MYT1L: variants seen among roughly 807,000 people sequenced by gnomAD.
The protein encoded by MYT1L is myelin transcription factor 1-like protein.
A neutral mutation model predicts 126.7 loss-of-function variants in MYT1L; 12 were observed. That is an observed-to-expected ratio of 0.09 (90% CI 0.06 to 0.15). The LOEUF is 0.15. MYT1L is among the 10% of genes least tolerant of loss of function. The probability of loss-of-function intolerance (pLI) is 1.00; values close to 1 mark genes in which losing one functional copy is unlikely to be tolerated. For missense variants in MYT1L, 979 were observed against 1,585.2 expected (o/e 0.62, Z 6.49); for synonymous variants, 541 against 604.2 (o/e 0.90, Z 1.53).
intron 8 of MYT1L, among the ~76,000 whole-genome samples, chr2:1,975,172 A>G (rs563956331): frequency 1.6e-4 from 23 of 146,298 alleles, no homozygotes; most frequent in African/African-American, 5.4e-4. Flanking sequence ...CAATCACACT[A>G]AAAAAAAAAT....
intron 3 of MYT1L, among the ~76,000 whole-genome samples, chr2:2,165,971 A>AAAAATAAAATCTTTTATT (rs1422565174): frequency 2.0e-5 from 3 of 151,504 alleles, no homozygotes; most frequent in Non-Finnish European, 3.0e-5. Context: ...TACTTTGTAA[A>AAAAATAAAATCTTTTATT]GTTTTAAAGT....
chr2:1,917,372 T>C lies in MYT1L; in HGVS notation c.1484-33A>G. ...CGACAACAGGTGCCAAGAGAATAAA[T>C]GTTTACCAATCAAAGACAAATGTGA... On this transcript the variant is annotated intron_variant, in intron 10 of 24. Coordinates refer to ENST00000647738, the MANE Select transcript of MYT1L (RefSeq NM_001303052.2). This position sits in a 1 kb window ranked among gnomAD's most constrained non-coding sequence, Gnocchi z 5.9. 1 of 1,566,748 alleles carries C rather than the reference T, an allele frequency of 6.4e-7. No homozygotes were observed. The highest frequency in any genetic ancestry group is 1.2e-5 in the South Asian group (1 of 86,768).
chr2:2,208,864 C>G (rs1006553331), intron 2 of MYT1L, among the ~76,000 whole-genome samples: 7 of 152,164 alleles, frequency 4.6e-5, no homozygotes, highest in African/African-American at 1.7e-4. Context: ...ACATTGGTTA[C>G]TATAACTAGA....
chr2:1,974,413 T>C (rs1346693671), intron 8 of MYT1L: 5 of 152,276 alleles, frequency 3.3e-5, no homozygotes, highest in Non-Finnish European at 7.3e-5. Context: ...GCATTACTTC[T>C]AGCCCTGCTT....
At chr2:1,865,436 C>T (rs1162692286) in intron 18 of MYT1L, among the ~76,000 whole-genome samples, 1 of 152,108 alleles carries the variant, frequency 6.6e-6, no homozygotes, top group Non-Finnish European at 1.5e-5. Flanking sequence ...CTTGGTGTGG[C>T]GTGTGTTCAG....
chr2:2,267,390 C>T (rs2149321233), intron 2 of MYT1L, among the ~76,000 whole-genome samples: 1 of 152,222 alleles, frequency 6.6e-6, no homozygotes, highest in East Asian at 1.9e-4. Context: ...AAAAGCGGAG[C>T]AGAGTGTAAA....
At chr2:1,875,954 T>C (rs1411226193) in intron 18 of MYT1L, among the ~76,000 whole-genome samples, 2 of 152,206 alleles carry the variant, frequency 1.3e-5, no homozygotes, top group Non-Finnish European at 2.9e-5. Flanking sequence ...AAACGCATTA[T>C]TTAATCTTAT....
chr2:2,279,565 G>GAAGGAAGA (rs33920276), intron 2 of MYT1L, among the ~76,000 whole-genome samples: 12,097 of 71,596 alleles, frequency 0.17, 899 homozygotes, highest in East Asian at 0.44. Flanking sequence ...AGGAATGAAT[G>GAAGGAAGA]AATGAAGGAA....
chr2:2,322,034 T>A (rs1248639920), intron 1 of MYT1L, among the ~76,000 whole-genome samples: 1 of 152,152 alleles, frequency 6.6e-6, no homozygotes, highest in Admixed American at 6.5e-5. Context: ...AATACACATA[T>A]ACACGCACTC....
Position 2,306,432 on chromosome 2 carries a change from T to G in MYT1L, c.-520-21929A>C, listed in dbSNP as rs2149565390. ...ATCCCAAGGTTTTCAAATAGGAGTCTGGACGTCTGGCTCCTGGAATCTTTA... is the reference window on the plus strand; with the variant it reads ...ATCCCAAGGTTTTCAAATAGGAGTCGGGACGTCTGGCTCCTGGAATCTTTA... On this transcript the variant is annotated intron_variant, in intron 1 of 24. Transcript: ENST00000647738. Among the ~76,000 whole-genome samples, 2 of 152,238 alleles carry G rather than the reference T, an allele frequency of 1.3e-5. 1 individual carries two copies. Among genetic ancestry groups the G allele is most frequent in the Middle Eastern group, 6.8e-3 (2 of 294 alleles).
intron 1 of MYT1L, among the ~76,000 whole-genome samples, chr2:2,322,799 CA>C (rs1422328134): frequency 6.6e-6 from 1 of 152,100 alleles, no homozygotes; most frequent in Non-Finnish European, 1.5e-5. Context: ...AAGCTTGGTT[CA>C]ACTCTAAAAT....
intron 1 of MYT1L, among the ~76,000 whole-genome samples, 159 bp from the exon 2 acceptor site, chr2:2,284,662 AG>A (rs1366453391): frequency 6.6e-6 from 1 of 152,058 alleles, no homozygotes; most frequent in Non-Finnish European, 1.5e-5. Flanking sequence ...TTATCTAAGG[AG>A]GGGTCTTGGA....
At chr2:2,068,763 C>CTTT (rs2074200623) in intron 3 of MYT1L, among the ~76,000 whole-genome samples, 2 of 6,486 alleles carry the variant, frequency 3.1e-4, no homozygotes, top group Non-Finnish European at 7.8e-4. Flanking sequence ...CACCTGTGTT[C>CTTT]TTCTTGTTTT....
At chr2:2,133,948 A>T (rs544725349) in intron 3 of MYT1L, among the ~76,000 whole-genome samples, 150 of 152,338 alleles carry the variant, frequency 9.8e-4, no homozygotes, top group Non-Finnish European at 2.0e-3. Context: ...TCATCTACGT[A>T]TGGTGGAAGA....
intron 3 of MYT1L, among the ~76,000 whole-genome samples, chr2:2,084,004 C>T (rs1190534843): frequency 8.0e-6 from 1 of 124,626 alleles, no homozygotes; most frequent in Admixed American, 8.1e-5. Flanking sequence ...TGTGCTGATG[C>T]CTTCCTATAT....
At position 1,856,778 on chromosome 2, in the gene MYT1L, G is replaced by T. The variant is rs142503146; in HGVS notation, c.2712-5075C>A. Among the ~76,000 whole-genome samples the T allele has an allele frequency of 5.8e-3, 884 of 152,326 alleles. 9 individuals carry two copies. The highest frequency in any genetic ancestry group is 9.0e-3 in the Non-Finnish European group (609 of 68,036). On this transcript the variant is annotated intron_variant, in intron 18 of 24. Coordinates refer to ENST00000647738, the MANE Select transcript of MYT1L (RefSeq NM_001303052.2). Reference sequence around the variant, plus strand: ...AGCACGACATGCTCTTCAGGATAGGGCTGCCTCTAGTTAAATGGATGCTCA... The same window carrying T: ...AGCACGACATGCTCTTCAGGATAGGTCTGCCTCTAGTTAAATGGATGCTCA...
chr2:2,257,861 A>G (rs1298238954), intron 2 of MYT1L, among the ~76,000 whole-genome samples: 1 of 148,570 alleles, frequency 6.7e-6, no homozygotes, highest in Non-Finnish European at 1.5e-5. Context: ...CAAGCTACCA[A>G]TGACTTTCTT....
intron 21 of MYT1L, among the ~76,000 whole-genome samples, chr2:1,821,714 G>A (rs1255944875): frequency 6.6e-6 from 1 of 152,168 alleles, no homozygotes; most frequent in Non-Finnish European, 1.5e-5. Context: ...TGAATCTGTT[G>A]GTTCTAGAGA....
intron 5 of MYT1L, among the ~76,000 whole-genome samples, chr2:1,981,026 T>C (rs6548049): frequency 0.21 from 31,220 of 152,002 alleles, 3,431 homozygotes; most frequent in East Asian, 0.3. Flanking sequence ...ACTCATTAGA[T>C]GCCTGTGGCT....
Sources: gnomAD v4.1 joint callset for allele counts (sites outside exome capture counted in the v4.1 genomes callset) on GRCh38, gnomAD v4.1.1 for gene constraint, Gnocchi (gnomAD v3.1) non-coding constraint, MANE v1.5 for transcripts, NCBI Gene and HGNC (gene_info 2026-07-23, HGNC 2026-07-21) for gene names.